PKHD1: variants seen among roughly 807,000 people sequenced by gnomAD.
PKHD1 encodes the protein PKHD1 ciliary IPT domain containing fibrocystin/polyductin.
PKHD1 carries 291 observed loss-of-function variants against 412.0 expected under a neutral mutation model. The ratio of observed to expected loss-of-function variants is 0.71; its 90% CI spans 0.64 to 0.78. The LOEUF is 0.78. Among genes scored for constraint, PKHD1 ranks in the 30% least tolerant of loss-of-function variants. The pLI is 0.00. For missense variants in PKHD1, 4,825 were observed against 4,950.7 expected, an observed-to-expected ratio of 0.97 and a Z score of 0.76; for synonymous variants, 1,777 against 1,821.5, an observed-to-expected ratio of 0.98 and a Z score of 0.62.
intron 11 of PKHD1, among the ~76,000 whole-genome samples, chr6:52,066,476 G>A (rs1809722969): frequency 1.3e-5 from 2 of 152,184 alleles, no homozygotes; most frequent in Admixed American, 6.5e-5. Flanking sequence ...ATATGAATCT[G>A]TAATTTGCTC....
At chr6:52,013,203 C>T (rs1190319388) in intron 34 of PKHD1, among the ~76,000 whole-genome samples, 1 of 152,142 alleles carries the variant, frequency 6.6e-6, no homozygotes, top group Non-Finnish European at 1.5e-5. Flanking sequence ...TTCTTATGCC[C>T]TTTCCTGACT....
chr6:51,691,199 T>G (rs1778115049), intron 60 of PKHD1, among the ~76,000 whole-genome samples: 1 of 152,048 alleles, frequency 6.6e-6, no homozygotes, highest in Non-Finnish European at 1.5e-5. Context: ...TGCTTATATA[T>G]TGTTGGTGGG....
intron 43 of PKHD1, among the ~76,000 whole-genome samples, chr6:51,891,693 TACC>T (rs1443765322): frequency 6.8e-6 from 1 of 147,898 alleles, no homozygotes; most frequent in African/African-American, 2.6e-5. Context: ...TTCCTGAATG[TACC>T]ACATGTTCCA....
chr6:51,730,668 C>T (rs565777687), intron 60 of PKHD1, among the ~76,000 whole-genome samples: 9 of 152,146 alleles, frequency 5.9e-5, no homozygotes, highest in South Asian at 4.2e-4. Flanking sequence ...ACCAGACAAG[C>T]GAATTTTTCA....
chr6:51,972,675 T>C (rs774735239), intron 35 of PKHD1, among the ~76,000 whole-genome samples: 1 of 152,236 alleles, frequency 6.6e-6, no homozygotes, highest in Admixed American at 6.5e-5. Context: ...CATGAAGGCA[T>C]AATTGAATTT....
At position 52,026,040 on chromosome 6, in the gene PKHD1, A is replaced by G. The variant is rs1305161897; in HGVS notation, c.3770T>C (p.Ile1257Thr). The G allele has an allele frequency of 1.2e-5, 19 of 1,614,032 alleles. No individual in the cohort carries two copies. Among genetic ancestry groups the G allele is most frequent in the South Asian group, 3.3e-5 (3 of 91,084 alleles). ...IWCETLPAPQ[I>T]PDAGAPTVPA... is the part of the protein sequence containing the mutation. ...AACAGTGGGAGCGCCCGCATCGGGT[A>G]TCTGGGGGGCTGGCAGGGTTTCACA... is the stretch of plus-strand genomic sequence containing the variant. The change falls in exon 32 of 67, where the codon ATA becomes ACA. Residue 1257 changes from isoleucine (I) to threonine (T), a missense_variant. By Grantham distance (89) the Ile-to-Thr change is moderately conservative (BLOSUM62 -1). Transcript: ENST00000371117.
chr6:51,769,386 G>A (rs541407563), intron 55 of PKHD1, among the ~76,000 whole-genome samples: 34 of 151,100 alleles, frequency 2.3e-4, no homozygotes, highest in South Asian at 1.0e-3. Context: ...CTAAATTATC[G>A]TTAAAAATTC....
At position 51,988,148 on chromosome 6, in the gene PKHD1, A is replaced by G. The variant is rs116443729; in HGVS notation, c.5751+22161T>C. Among the ~76,000 whole-genome samples, 987 of 152,330 alleles carry G rather than the reference A, an allele frequency of 6.5e-3. 6 individuals are homozygous for G. Among genetic ancestry groups the G allele is most frequent in the African/African-American group, 0.022 (908 of 41,576 alleles). Reference sequence around the variant, plus strand: ...TTGCATCACCATTTATGGAAAAACAAAGAGAAATGAAAACAAAATCAACTT... The same window carrying G: ...TTGCATCACCATTTATGGAAAAACAGAGAGAAATGAAAACAAAATCAACTT... On this transcript the variant is annotated intron_variant, in intron 35 of 66. Transcript: ENST00000371117.
At chr6:51,918,969 T>C (rs1459485980) in intron 37 of PKHD1, among the ~76,000 whole-genome samples, 1 of 152,208 alleles carries the variant, frequency 6.6e-6, no homozygotes, top group African/African-American at 2.4e-5. Context: ...CGCCCACTTT[T>C]TGATGGGGTT....
intron 52 of PKHD1, among the ~76,000 whole-genome samples, chr6:51,827,750 T>C (rs904909170): frequency 2.6e-5 from 4 of 152,170 alleles, no homozygotes; most frequent in Non-Finnish European, 5.9e-5. Context: ...CACAGTTGTA[T>C]GGAACTTGAC....
At chr6:51,655,333 C>T (rs140472603) in intron 61 of PKHD1, among the ~76,000 whole-genome samples, 78 of 152,228 alleles carry the variant, frequency 5.1e-4, no homozygotes, top group African/African-American at 1.9e-3. Flanking sequence ...AGAGAAAATG[C>T]TAAAGGTGAC....
At chr6:51,832,536 A>G (rs1163674632) in intron 51 of PKHD1, among the ~76,000 whole-genome samples, 2 of 152,124 alleles carry the variant, frequency 1.3e-5, no homozygotes, top group Non-Finnish European at 2.9e-5. Flanking sequence ...ACATTAAGAC[A>G]GAAGTGGATG....
chr6:52,029,444 T>C (rs1213796299), intron 29 of PKHD1, among the ~76,000 whole-genome samples: 1 of 152,022 alleles, frequency 6.6e-6, no homozygotes, highest in Non-Finnish European at 1.5e-5. Flanking sequence ...TCAACGGTAG[T>C]AAAATAGGTG....
At chr6:52,001,952 A>G (rs538134684) in intron 35 of PKHD1, among the ~76,000 whole-genome samples, 1 of 152,208 alleles carries the variant, frequency 6.6e-6, no homozygotes, top group East Asian at 1.9e-4. Context: ...TATGTATTTA[A>G]CCAAAAATGA....
intron 49 of PKHD1, among the ~76,000 whole-genome samples, chr6:51,854,409 G>A (rs1008491013): frequency 7.2e-5 from 11 of 152,062 alleles, no homozygotes; most frequent in South Asian, 6.2e-4. Context: ...CCAGTTTGGT[G>A]GCATGAGGAG....
chr6:51,630,751 TTAA>T (rs1767826429), intron 65 of PKHD1, among the ~76,000 whole-genome samples: 1 of 152,222 alleles, frequency 6.6e-6, no homozygotes, highest in East Asian at 1.9e-4. Flanking sequence ...TTTTAGAAAC[TTAA>T]TAAATATAAA....
chr6:52,067,237 T>C (rs1397322666), intron 11 of PKHD1, among the ~76,000 whole-genome samples: 1 of 152,212 alleles, frequency 6.6e-6, no homozygotes, highest in African/African-American at 2.4e-5. Context: ...AATAACCCCC[T>C]GCTTTTAACC....
At chr6:51,846,144 T>C (rs1771102326) in intron 50 of PKHD1, among the ~76,000 whole-genome samples, 1 of 152,234 alleles carries the variant, frequency 6.6e-6, no homozygotes, top group South Asian at 2.1e-4. Context: ...GAAATAAAAT[T>C]TGAATGGTAT....
rs548927921 is a variant in PKHD1, at chr6:52,066,924, A to T, written c.779-847T>A. ...CAAGAAAAAATAAAATAAAAAATTT[A>T]AAAAAAGAAATTACCTACAGTAATA... On this transcript the variant is annotated intron_variant, in intron 11 of 66. Transcript: ENST00000371117. Among the ~76,000 whole-genome samples, 33 of 152,250 alleles carry T rather than the reference A, an allele frequency of 2.2e-4. No homozygotes were observed. In the South Asian group the frequency reaches 6.2e-3, roughly 29 times the overall value.
Sources: allele counts gnomAD v4.1 joint callset (sites outside exome capture counted in the v4.1 genomes callset), GRCh38; gene constraint gnomAD v4.1.1; transcripts MANE v1.5; gene names NCBI Gene and HGNC (gene_info 2026-07-23, HGNC 2026-07-21).